SLC24A3: variants seen among roughly 807,000 people sequenced by gnomAD.
SLC24A3 encodes solute carrier family 24 member 3.
SLC24A3 carries 28 observed loss-of-function variants against 75.8 expected under a neutral mutation model. That is an observed-to-expected ratio of 0.37 (90% CI 0.27 to 0.51). SLC24A3 has a LOEUF of 0.51. Among genes scored for constraint, SLC24A3 ranks in the 20% least tolerant of loss-of-function variants. The pLI is 0.94. For missense variants in SLC24A3, 663 were observed against 847.8 expected (o/e 0.78, Z 2.71); for synonymous variants, 372 against 334.1 (o/e 1.11, Z -1.24).
At chr20:19,400,000 A>G (rs978907013) in intron 2 of SLC24A3, among the ~76,000 whole-genome samples, 3 of 152,218 alleles carry the variant, frequency 2.0e-5, no homozygotes, top group Admixed American at 1.3e-4. Context: ...GAGATGCTCA[A>G]TTAAATTTTT....
intron 2 of SLC24A3, among the ~76,000 whole-genome samples, chr20:19,305,540 C>T (rs1020088245): frequency 6.6e-6 from 1 of 151,944 alleles, no homozygotes; most frequent in Non-Finnish European, 1.5e-5. Context: ...CCAGGTATGA[C>T]TTGTGGGGTT....
intron 1 of SLC24A3, among the ~76,000 whole-genome samples, chr20:19,280,410 G>T (rs943497837): frequency 1.3e-5 from 2 of 152,132 alleles, no homozygotes; most frequent in Non-Finnish European, 2.9e-5. Flanking sequence ...TGGTTCATTT[G>T]GGGGCTGATT....
intron 2 of SLC24A3, among the ~76,000 whole-genome samples, chr20:19,417,502 T>C (rs1017300855): frequency 1.3e-5 from 2 of 152,186 alleles, no homozygotes; most frequent in Non-Finnish European, 2.9e-5. Context: ...GGATCCCTGC[T>C]TCTGCAGGAT....
chr20:19,557,578 A>C (rs940855104), intron 3 of SLC24A3, among the ~76,000 whole-genome samples: 2 of 152,110 alleles, frequency 1.3e-5, no homozygotes, highest in South Asian at 2.1e-4. Context: ...AGACCTCATG[A>C]TTGCCTGGTG....
At chr20:19,511,528 C>T (rs1013549150) in intron 2 of SLC24A3, among the ~76,000 whole-genome samples, 5 of 152,008 alleles carry the variant, frequency 3.3e-5, no homozygotes, top group African/African-American at 7.2e-5. Context: ...AGGGTTTCAC[C>T]GTGTTAGCCA....
intron 3 of SLC24A3, among the ~76,000 whole-genome samples, chr20:19,543,570 G>A (rs939007169): frequency 1.3e-5 from 2 of 152,142 alleles, no homozygotes; most frequent in African/African-American, 2.4e-5. Flanking sequence ...GCCAACCTGC[G>A]GTGCTGCATG....
chr20:19,611,215 A>G (rs2031667595), intron 6 of SLC24A3, among the ~76,000 whole-genome samples: 1 of 152,158 alleles, frequency 6.6e-6, no homozygotes, highest in Non-Finnish European at 1.5e-5. Flanking sequence ...AGGCGGGCAG[A>G]CTCAGCTTAG....
intron 6 of SLC24A3, among the ~76,000 whole-genome samples, chr20:19,611,119 G>A (rs1157237769): frequency 6.6e-6 from 1 of 152,176 alleles, no homozygotes; most frequent in Non-Finnish European, 1.5e-5. Flanking sequence ...TAGAAGGCCA[G>A]GACAGACCTA....
At chr20:19,561,547 T>C (rs1464867284) in intron 3 of SLC24A3, among the ~76,000 whole-genome samples, 1 of 152,196 alleles carries the variant, frequency 6.6e-6, no homozygotes, top group Non-Finnish European at 1.5e-5. Flanking sequence ...ATAAGCCTGC[T>C]GACCTTTCCT....
chr20:19,601,228 C>T (rs181950271), intron 6 of SLC24A3, among the ~76,000 whole-genome samples: 94 of 152,306 alleles, frequency 6.2e-4, no homozygotes, highest in African/African-American at 2.1e-3. Context: ...GCTTTCTGCC[C>T]AGCACAGAAG....
At chr20:19,702,931 G>C (rs2032890723) in intron 15 of SLC24A3, among the ~76,000 whole-genome samples, 1 of 152,184 alleles carries the variant, frequency 6.6e-6, no homozygotes, top group Non-Finnish European at 1.5e-5. Context: ...AGGAAGCCAT[G>C]ATTTGGTTAA....
intron 2 of SLC24A3, among the ~76,000 whole-genome samples, chr20:19,309,681 C>G (rs1016968277): frequency 1.3e-5 from 2 of 152,174 alleles, no homozygotes; most frequent in African/African-American, 4.8e-5. Context: ...ATGAGGGGTT[C>G]TAAGCATCAT....
rs569042057 is a variant in SLC24A3, at chr20:19,716,727, A to G, written c.1720-801A>G. Among the ~76,000 whole-genome samples, 252 of 152,168 alleles carry G rather than the reference A, an allele frequency of 1.7e-3. 1 individual carries two copies. Among genetic ancestry groups the G allele is most frequent in the Non-Finnish European group, 2.9e-3 (198 of 67,994 alleles). On this transcript the variant is annotated intron_variant, in intron 15 of 16. Transcript: ENST00000328041. ...TGAGACCTAGTCTCTACAAAAAATC[A>G]AAAATCAGCCAGGTGTGATGGTGTG...
intron 2 of SLC24A3, among the ~76,000 whole-genome samples, chr20:19,399,776 A>G (rs1434546133): frequency 1.3e-5 from 2 of 152,164 alleles, no homozygotes; most frequent in Non-Finnish European, 2.9e-5. Flanking sequence ...TGGTTGGTAG[A>G]GCTGTTGAAA....
chr20:19,437,161 G>A (rs181824578), intron 2 of SLC24A3, among the ~76,000 whole-genome samples: 66 of 152,220 alleles, frequency 4.3e-4, no homozygotes, highest in Admixed American at 1.0e-3. Flanking sequence ...CATGAGAGTC[G>A]GTGATATGGT....
intron 3 of SLC24A3, among the ~76,000 whole-genome samples, chr20:19,558,380 A>G (rs2030822907): frequency 6.6e-6 from 1 of 152,180 alleles, no homozygotes; most frequent in Non-Finnish European, 1.5e-5. Context: ...CTCTTATACC[A>G]TTCACCCAGC....
intron 2 of SLC24A3, among the ~76,000 whole-genome samples, chr20:19,424,179 C>T (rs957168898): frequency 1.3e-5 from 2 of 152,148 alleles, no homozygotes; most frequent in African/African-American, 4.8e-5. Flanking sequence ...AAGACAATTT[C>T]CTGGGTCCGG....
At chr20:19,565,084 C>T (rs1227282243) in intron 3 of SLC24A3, among the ~76,000 whole-genome samples, 2 of 152,180 alleles carry the variant, frequency 1.3e-5, no homozygotes, top group African/African-American at 2.4e-5. Context: ...GGGATTACAT[C>T]GTGTGCCAAC....
intron 2 of SLC24A3, among the ~76,000 whole-genome samples, chr20:19,358,197 G>C (rs1434143422): frequency 6.6e-6 from 1 of 152,180 alleles, no homozygotes; most frequent in African/African-American, 2.4e-5. Flanking sequence ...TGCAGGCCAT[G>C]ACCTGGGGTG....
Sources: gnomAD v4.1 joint callset for allele counts (sites outside exome capture counted in the v4.1 genomes callset) on GRCh38, gnomAD v4.1.1 for gene constraint, MANE v1.5 for transcripts, NCBI Gene and HGNC (gene_info 2026-07-23, HGNC 2026-07-21) for gene names.